Variants in PPP2R3B observed in about 807,000 individuals in gnomAD.
PPP2R3B encodes the protein protein phosphatase 2 regulatory subunit B''beta, also known as serine/threonine-protein phosphatase 2A regulatory subunit B'' subunit beta.
A neutral mutation model predicts 72.9 loss-of-function variants in PPP2R3B; 68 were observed. The ratio of observed to expected loss-of-function variants is 0.93; its 90% CI spans 0.77 to 1.14. The LOEUF (loss-of-function observed/expected upper bound fraction) is 1.14, where lower values mean the gene tolerates loss of function less well. PPP2R3B is among the 50% of genes most tolerant of loss of function. The probability of loss-of-function intolerance (pLI) is 0.00; values close to 1 mark genes in which losing one functional copy is unlikely to be tolerated. For missense variants in PPP2R3B, 1,018 were observed against 842.0 expected (o/e 1.21, Z -2.59); for synonymous variants, 466 against 375.8 (o/e 1.24, Z -2.78).
intron 1 of PPP2R3B, among the ~76,000 whole-genome samples, chrX:375,062 C>T (rs1438055146): frequency 6.6e-6 from 1 of 152,266 alleles, no homozygotes; most frequent in African/African-American, 2.4e-5. Flanking sequence ...CACAGCCCCC[C>T]ACCCGCAAGG....
At chrX:377,601 G>A (rs1322867161) in intron 1 of PPP2R3B, among the ~76,000 whole-genome samples, 1 of 132,762 alleles carries the variant, frequency 7.5e-6, no homozygotes, top group Non-Finnish European at 1.6e-5. Flanking sequence ...GTACAGGGAC[G>A]GGCCGTCTAC....
chrX:341,032 C>T (rs1307029770), intron 9 of PPP2R3B, 92 bp from the exon 10 acceptor site: 35 of 1,514,620 alleles, frequency 2.3e-5, no homozygotes, highest in Middle Eastern at 2.4e-4. Context: ...GGGGTGCACG[C>T]GTCCCCGCTG....
intron 1 of PPP2R3B, among the ~76,000 whole-genome samples, chrX:384,710 T>C (rs1180017616): frequency 2.0e-5 from 3 of 151,758 alleles, no homozygotes; most frequent in Non-Finnish European, 4.4e-5. Context: ...CCAGGCCAGG[T>C]GTGGTGGCTC....
rs146759919 is a variant in PPP2R3B, at chrX:335,611, C to T, written c.1578-1094G>A. On this transcript the variant is annotated intron_variant, in intron 12 of 12. Transcript: ENST00000390665. ...GAGCTGCACCAAAATCAGAAGGCCG[C>T]GGGCTGCGGTGTCCATGGCCCACGT... 835 of 152,316 alleles carry T rather than the reference C, an allele frequency of 5.5e-3. 4 individuals carry two copies. The highest frequency in any genetic ancestry group is 7.8e-3 in the Non-Finnish European group (532 of 68,042). 9.4% of individuals were successfully genotyped at this position (152,316 alleles called of 1,614,324 possible).
At chrX:354,145 C>G (rs182306498) in intron 2 of PPP2R3B, among the ~76,000 whole-genome samples, 2 of 142,720 alleles carry the variant, frequency 1.4e-5, no homozygotes, top group African/African-American at 5.8e-5. Flanking sequence ...GGGGCTCACC[C>G]AAACACCGGG....
intron 1 of PPP2R3B, among the ~76,000 whole-genome samples, chrX:377,703 T>G (rs1415475857): frequency 7.1e-6 from 1 of 141,098 alleles, no homozygotes; most frequent in Non-Finnish European, 1.5e-5. Flanking sequence ...GTCTATACAC[T>G]ACTGTGTACA....
At position 357,568 on chromosome X, in the gene PPP2R3B, T is replaced by C. The variant is rs776508894; in HGVS notation, c.510+3837A>G. Among the ~76,000 whole-genome samples, 3 of 152,336 alleles carry C rather than the reference T, an allele frequency of 2.0e-5. No individual in the cohort carries two copies. The South Asian group carries it at 6.2e-4, about 32-fold the overall frequency. On this transcript the variant is annotated intron_variant, in intron 2 of 12. Coordinates refer to ENST00000390665, the MANE Select transcript of PPP2R3B (RefSeq NM_013239.5). The stretch of plus-strand genomic sequence containing the variant: ...AATGATTCTGTCAAGAAAGTGTCTA[T>C]GTATGATGCAGATACGATCAAGATT...
intron 1 of PPP2R3B, among the ~76,000 whole-genome samples, chrX:363,422 C>G (rs1246789874): frequency 3.4e-5 from 3 of 88,398 alleles, no homozygotes; most frequent in East Asian, 3.8e-4. Flanking sequence ...TGCATCTCCC[C>G]GAGCCCGCGA....
At chrX:373,692 C>A (rs1183506629) in intron 1 of PPP2R3B, 1 of 163,726 alleles carries the variant, frequency 6.1e-6, no homozygotes, top group South Asian at 1.6e-4. Flanking sequence ...CGGGCCGGGC[C>A]GGGCGCCGCG....
intron 10 of PPP2R3B, 30 bp from the exon 11 acceptor site, chrX:338,926 G>T (rs201743922): frequency 6.3e-7 from 1 of 1,586,522 alleles, no homozygotes; most frequent in African/African-American, 1.3e-5. Flanking sequence ...TCCAAGGCGC[G>T]TGAGCCCGGT....
chrX:367,099 A>G (rs2071735381), intron 1 of PPP2R3B, among the ~76,000 whole-genome samples: 1 of 152,160 alleles, frequency 6.6e-6, no homozygotes, highest in South Asian at 2.1e-4. Context: ...CCCCATTAAC[A>G]GACACTCTAC....
At chrX:348,937 A>T (rs28390345) in intron 2 of PPP2R3B, among the ~76,000 whole-genome samples, 53,654 of 151,878 alleles carry the variant, frequency 0.35, 9,870 homozygotes, top group African/African-American at 0.41. Flanking sequence ...GCGGTCAGGG[A>T]CACAGGAAGT....
In PPP2R3B at chrX:381,593, C is replaced by CTTTT. The variant is rs950950107; in HGVS notation, c.324+4771_324+4774dup. ...ATGGGATGGACAGGAACAAGCTCAT[C>CTTTT]TTTTTTTTTTTTTTTTTTTTTTTGA... On this transcript the variant is annotated intron_variant, in intron 1 of 12. Coordinates refer to ENST00000390665, the MANE Select transcript of PPP2R3B (RefSeq NM_013239.5). 3.3e-3 allele frequency among the ~76,000 whole-genome samples: 310 copies of CTTTT among 95,054 alleles called. 14 individuals carry two copies. The highest frequency in any genetic ancestry group is 0.011 in the African/African-American group (269 of 23,498). The allele number at this position is 95,054 out of a possible 152,430, so 62.4% of individuals were successfully genotyped here. A position where few individuals can be genotyped will look rare whatever the true frequency, so the allele number is the denominator to read the frequency against.
chrX:356,262 C>A (rs2738390), intron 2 of PPP2R3B, among the ~76,000 whole-genome samples: 41,904 of 151,910 alleles, frequency 0.28, 6,118 homozygotes, highest in East Asian at 0.38. Context: ...GTCGCCCAGG[C>A]TGGAGTGCAG....
chrX:348,469 G>A (rs148095687), intron 2 of PPP2R3B, among the ~76,000 whole-genome samples: 65 of 151,888 alleles, frequency 4.3e-4, no homozygotes, highest in African/African-American at 1.2e-3. Flanking sequence ...CCAGCTACTC[G>A]GGAGGCTGAG....
At chrX:346,410 C>A (rs1489749709) in intron 5 of PPP2R3B, 150 bp from the exon 6 acceptor site, 21 of 741,148 alleles carry the variant, frequency 2.8e-5, no homozygotes, top group Middle Eastern at 4.0e-4. Context: ...AAGGGCCCTG[C>A]GGGAGGCGCC....
intron 1 of PPP2R3B, chrX:373,774 G>C (rs755685731): frequency 6.7e-6 from 1 of 149,912 alleles, no homozygotes; most frequent in Non-Finnish European, 1.5e-5. Context: ...CGCTCCATGC[G>C]TCGCCCGCCA....
chrX:374,842 T>C (rs1444621706), intron 1 of PPP2R3B, among the ~76,000 whole-genome samples: 1 of 152,160 alleles, frequency 6.6e-6, no homozygotes, highest in Non-Finnish European at 1.5e-5. Context: ...GACACGGATC[T>C]ACCACTGTGG....
chrX:371,333 G>A (rs924137668), intron 1 of PPP2R3B, among the ~76,000 whole-genome samples: 16 of 152,114 alleles, frequency 1.1e-4, no homozygotes, highest in Admixed American at 3.3e-4. Flanking sequence ...CCGGACCCAC[G>A]GCGTGAACGC....
Sources: allele counts gnomAD v4.1 joint callset (sites outside exome capture counted in the v4.1 genomes callset), GRCh38; gene constraint gnomAD v4.1.1; transcripts MANE v1.5; gene names NCBI Gene and HGNC (gene_info 2026-07-23, HGNC 2026-07-21).